RALY: variants seen among roughly 807,000 people sequenced by gnomAD.
RALY encodes the protein RALY heterogeneous nuclear ribonucleoprotein.
RALY carries 15 observed loss-of-function variants against 30.7 expected under a neutral mutation model. That is an observed-to-expected ratio of 0.49 (90% CI 0.33 to 0.75). RALY has a LOEUF of 0.75. RALY is among the 30% of genes least tolerant of loss of function. RALY has a pLI of 0.02. For synonymous variants in RALY, 177 were observed against 170.8 expected, an observed-to-expected ratio of 1.04 and a Z score of -0.28; for missense variants, 339 against 414.3, an observed-to-expected ratio of 0.82 and a Z score of 1.58.
intron 1 of RALY, among the ~76,000 whole-genome samples, chr20:34,007,562 A>G (rs143850466): frequency 0.012 from 1,760 of 150,950 alleles, 37 homozygotes; most frequent in African/African-American, 0.041. Flanking sequence ...GCTCACGCCT[A>G]TAATCCCAGC....
At chr20:33,996,914 G>T (rs898872485) in intron 1 of RALY, among the ~76,000 whole-genome samples, 5 of 152,160 alleles carry the variant, frequency 3.3e-5, no homozygotes, top group African/African-American at 1.2e-4. Context: ...GGCACACTTA[G>T]TGTCTTCTTT....
chr20:34,017,621 A>G (rs907084892), intron 1 of RALY: 7 of 152,208 alleles, frequency 4.6e-5, no homozygotes, highest in African/African-American at 1.7e-4. Context: ...GGAGAGATCA[A>G]TCATCATTTG....
At chr20:34,037,086 A>C (rs1001673131) in intron 2 of RALY, among the ~76,000 whole-genome samples, 2 of 152,188 alleles carry the variant, frequency 1.3e-5, no homozygotes, top group African/African-American at 4.8e-5. Context: ...GCTTGACTAT[A>C]CCAGTGGACT....
At chr20:34,000,017 G>C (rs752404015) in intron 1 of RALY, among the ~76,000 whole-genome samples, 1 of 152,110 alleles carries the variant, frequency 6.6e-6, no homozygotes, top group Non-Finnish European at 1.5e-5. Context: ...ATTGGTGAGG[G>C]GATATAGTAG....
At chr20:34,008,242 CTT>C (rs1489717723) in intron 1 of RALY, among the ~76,000 whole-genome samples, 5 of 151,518 alleles carry the variant, frequency 3.3e-5, no homozygotes, top group African/African-American at 4.8e-5. Flanking sequence ...TTTTTTTTCT[CTT>C]GTGTTTGGCA....
chr20:33,999,914 T>C (rs1338681411), intron 1 of RALY, among the ~76,000 whole-genome samples: 1 of 152,140 alleles, frequency 6.6e-6, no homozygotes. Context: ...AGGTCCCTTC[T>C]AGCAATTACA....
At chr20:34,060,110 G>C (rs149247785) in intron 2 of RALY, among the ~76,000 whole-genome samples, 56 of 152,254 alleles carry the variant, frequency 3.7e-4, no homozygotes, top group African/African-American at 1.2e-3. Flanking sequence ...GACACTTGAA[G>C]AGACTTTATC....
At chr20:34,018,950 G>A (rs1411218577) in intron 1 of RALY, among the ~76,000 whole-genome samples, 1 of 152,156 alleles carries the variant, frequency 6.6e-6, no homozygotes, top group African/African-American at 2.4e-5. Flanking sequence ...TTCTGGTCTA[G>A]GGCTAAATAC....
intron 2 of RALY, among the ~76,000 whole-genome samples, chr20:34,050,204 A>T (rs2033029546): frequency 6.6e-6 from 1 of 152,192 alleles, no homozygotes; most frequent in Non-Finnish European, 1.5e-5. Context: ...TACATGTCAG[A>T]ACCAGGATTG....
chr20:33,997,748 G>A (rs1440712244), intron 1 of RALY, among the ~76,000 whole-genome samples: 1 of 152,148 alleles, frequency 6.6e-6, no homozygotes, highest in Non-Finnish European at 1.5e-5. Context: ...ACCGTTTTCT[G>A]TGTTGGTCCA....
chr20:34,055,719 G>A (rs888330497), intron 2 of RALY, among the ~76,000 whole-genome samples: 6 of 152,018 alleles, frequency 3.9e-5, no homozygotes, highest in African/African-American at 1.5e-4. Context: ...CAACTAGCAG[G>A]GCAAGAATGC....
At chr20:34,051,000 G>A (rs1047137790) in intron 2 of RALY, among the ~76,000 whole-genome samples, 1 of 152,176 alleles carries the variant, frequency 6.6e-6, no homozygotes, top group Non-Finnish European at 1.5e-5. Flanking sequence ...TCAAAATCCT[G>A]ATGAAAATTT....
At chr20:34,023,393 G>C (rs1489805242) in intron 1 of RALY, among the ~76,000 whole-genome samples, 1 of 152,148 alleles carries the variant, frequency 6.6e-6, no homozygotes, top group Non-Finnish European at 1.5e-5. Context: ...CCCAGTTTTG[G>C]TGGGAGAGCC....
intron 1 of RALY, among the ~76,000 whole-genome samples, chr20:33,996,964 C>T (rs1028588822): frequency 2.0e-5 from 3 of 152,174 alleles, no homozygotes; most frequent in African/African-American, 4.8e-5. Context: ...TATTAGTCCT[C>T]ACCTGCAGCA....
chr20:34,031,296 G>A (rs147892044), intron 1 of RALY, among the ~76,000 whole-genome samples: 1 of 150,468 alleles, frequency 6.6e-6, no homozygotes, highest in East Asian at 1.9e-4. Context: ...CCTGACTTCA[G>A]GTGATCCATC....
At chr20:34,056,210 G>A (rs2033237996) in intron 2 of RALY, among the ~76,000 whole-genome samples, 1 of 152,196 alleles carries the variant, frequency 6.6e-6, no homozygotes, top group African/African-American at 2.4e-5. Context: ...TTCATTAAAT[G>A]TGGGATCTCT....
chr20:34,035,619 T>G (rs1354455521), intron 2 of RALY, among the ~76,000 whole-genome samples: 3 of 152,218 alleles, frequency 2.0e-5, no homozygotes, highest in African/African-American at 4.8e-5. Flanking sequence ...CTCCTCCTTT[T>G]TGTTCATTCT....
chr20:34,047,742 T>C (rs2032932245), intron 2 of RALY, among the ~76,000 whole-genome samples: 1 of 152,168 alleles, frequency 6.6e-6, no homozygotes, highest in African/African-American at 2.4e-5. Context: ...TTTGAGGTTG[T>C]GAGGATTTAA....
intron 1 of RALY, among the ~76,000 whole-genome samples, chr20:34,010,440 A>G (rs2031351494): frequency 1.3e-5 from 2 of 152,040 alleles, no homozygotes; most frequent in East Asian, 1.9e-4. Flanking sequence ...CTCTTTTACA[A>G]ACTAGGCTGG....
Sources: gnomAD v4.1 joint callset for allele counts (sites outside exome capture counted in the v4.1 genomes callset) on GRCh38, gnomAD v4.1.1 for gene constraint, MANE v1.5 for transcripts, NCBI Gene and HGNC (gene_info 2026-07-23, HGNC 2026-07-21) for gene names.